ZNF676: variants seen among roughly 807,000 people sequenced by gnomAD.
ZNF676 encodes zinc finger protein 676.
A neutral mutation model predicts 6.0 loss-of-function variants in ZNF676; 4 were observed. The observed-to-expected ratio is 0.67, with a 90% confidence interval of 0.33 to 1.53. The LOEUF (loss-of-function observed/expected upper bound fraction) is 1.53. Among genes scored for constraint, ZNF676 ranks in the 40% most tolerant of loss-of-function variants. ZNF676 has a pLI of 0.06. For synonymous variants in ZNF676, 198 were observed against 223.1 expected, an observed-to-expected ratio of 0.89 and a Z score of 1.00; for missense variants, 644 against 679.7, an observed-to-expected ratio of 0.95 and a Z score of 0.58.
chr19:22,204,745 T>C (rs2024059920), intron 1 of ZNF676, among the ~76,000 whole-genome samples: 1 of 152,180 alleles, frequency 6.6e-6, no homozygotes, highest in African/African-American at 2.4e-5. Flanking sequence ...AACAAATCTG[T>C]GTCTACTTTA....
chr19:22,189,706 G>A lies in ZNF676; in HGVS notation c.130+3310C>T, dbSNP rs2023879435. On this transcript the variant is annotated intron_variant, in intron 2 of 2. Coordinates refer to ENST00000397121, the MANE Select transcript of ZNF676 (RefSeq NM_001001411.3). The stretch of plus-strand genomic sequence containing the variant: ...AACAAACAACCCCATCAAAAATTGG[G>A]CAAAGGATATGAACAGACACTTCTC... Among the ~76,000 whole-genome samples, 3 of 151,990 alleles carry A rather than the reference G, an allele frequency of 2.0e-5. No homozygotes were observed. In the South Asian group the frequency reaches 6.3e-4, roughly 32 times the overall value.
upstream of ZNF676, among the ~76,000 whole-genome samples, chr19:22,199,348 T>C (rs1251325049): frequency 6.6e-6 from 1 of 152,196 alleles, no homozygotes; most frequent in Non-Finnish European, 1.5e-5. Context: ...TCCTAAAGTA[T>C]TATATTATTT....
At chr19:22,232,759 GA>G in the ZNF676 span, among the ~76,000 whole-genome samples, 51 of 149,460 alleles carry the variant, frequency 3.4e-4, no homozygotes, top group African/African-American at 9.3e-4. Flanking sequence ...AACAATAATA[GA>G]AAAAAAAACC....
upstream of ZNF676, among the ~76,000 whole-genome samples, chr19:22,216,988 G>A (rs535540154): frequency 1.3e-5 from 2 of 151,346 alleles, no homozygotes; most frequent in Non-Finnish European, 2.9e-5. Context: ...GAGTTTGGAG[G>A]TTTTTATTTT....
At chr19:22,221,325 G>A in the ZNF676 span, among the ~76,000 whole-genome samples, 1 of 152,038 alleles carries the variant, frequency 6.6e-6, no homozygotes, top group Non-Finnish European at 1.5e-5. Flanking sequence ...TTTCATTGTG[G>A]AACCAATTAT....
At chr19:22,219,011 A>AC (rs1555776270), upstream of ZNF676, among the ~76,000 whole-genome samples, 4 of 123,142 alleles carry the variant, frequency 3.2e-5, no homozygotes, top group African/African-American at 1.2e-4. Flanking sequence ...AAATTTTAGG[A>AC]TTTTTTTTTT....
chr19:22,222,794 G>C, the ZNF676 span, among the ~76,000 whole-genome samples: 1 of 152,126 alleles, frequency 6.6e-6, no homozygotes, highest in Non-Finnish European at 1.5e-5. Context: ...AAAAGGCTTG[G>C]GTAGTTGTAA....
chr19:22,211,845 A>G (rs1568536244), intron 1 of ZNF676, among the ~76,000 whole-genome samples: 1 of 152,074 alleles, frequency 6.6e-6, no homozygotes, highest in Non-Finnish European at 1.5e-5. Context: ...AAATGTTCTT[A>G]TTTTTTTCCC....
At chr19:22,235,330 C>A in the ZNF676 span, among the ~76,000 whole-genome samples, 1 of 152,134 alleles carries the variant, frequency 6.6e-6, no homozygotes, top group Non-Finnish European at 1.5e-5. Context: ...TGTTGCAGAG[C>A]CTTCTTCTTT....
chr19:22,201,188 G>A (rs761781908), upstream of ZNF676, among the ~76,000 whole-genome samples: 1 of 152,128 alleles, frequency 6.6e-6, no homozygotes, highest in African/African-American at 2.4e-5. Context: ...TTACAAGTAG[G>A]TATAGTTGTG....
At chr19:22,259,331 G>A in the ZNF676 span, among the ~76,000 whole-genome samples, 5 of 152,134 alleles carry the variant, frequency 3.3e-5, no homozygotes, top group African/African-American at 1.2e-4. Context: ...GTCACAACCA[G>A]CCCAGTGGGA....
At chr19:22,260,204 C>T in the ZNF676 span, among the ~76,000 whole-genome samples, 1 of 152,126 alleles carries the variant, frequency 6.6e-6, no homozygotes, top group Non-Finnish European at 1.5e-5. Flanking sequence ...CCCTGCCCAG[C>T]GGTGGCCAGC....
upstream of ZNF676, among the ~76,000 whole-genome samples, chr19:22,200,067 G>C (rs1393806953): frequency 6.6e-6 from 1 of 152,156 alleles, no homozygotes; most frequent in Non-Finnish European, 1.5e-5. Flanking sequence ...CTGGGGCAGA[G>C]TGTAGAGCCA....
chr19:22,245,748 G>A, the ZNF676 span, among the ~76,000 whole-genome samples: 1 of 152,052 alleles, frequency 6.6e-6, no homozygotes, highest in African/African-American at 2.4e-5. Flanking sequence ...TACTCCTGTG[G>A]GCAGAGTCCA....
At chr19:22,203,997 A>G (rs1170766680) in intron 1 of ZNF676, 1 of 152,224 alleles carries the variant, frequency 6.6e-6, no homozygotes. Context: ...AACTTCCACC[A>G]GCACTTTTTT....
chr19:22,251,804 A>AT, the ZNF676 span, among the ~76,000 whole-genome samples: 1,908 of 151,170 alleles, frequency 0.013, 18 homozygotes, highest in African/African-American at 0.043. Context: ...AAAAAAAAAA[A>AT]TCCGGATCAC....
At chr19:22,206,180 T>C (rs2024074901) in intron 1 of ZNF676, among the ~76,000 whole-genome samples, 2 of 151,834 alleles carry the variant, frequency 1.3e-5, no homozygotes, top group Non-Finnish European at 2.9e-5. Context: ...GGACCAAACA[T>C]ACTCACAGCT....
chr19:22,247,347 T>C, the ZNF676 span, among the ~76,000 whole-genome samples: 3 of 151,972 alleles, frequency 2.0e-5, no homozygotes, highest in East Asian at 5.9e-4. Flanking sequence ...GTGGATTACC[T>C]GACGTCAGAA....
intron 2 of ZNF676, among the ~76,000 whole-genome samples, chr19:22,186,193 C>T (rs1449292995): frequency 1.3e-5 from 2 of 152,146 alleles, no homozygotes; most frequent in Admixed American, 6.5e-5. Context: ...TCTGCAGAAA[C>T]CCTACAAGCC....
Sources: allele counts gnomAD v4.1 joint callset (sites outside exome capture counted in the v4.1 genomes callset), GRCh38; gene constraint gnomAD v4.1.1; transcripts MANE v1.5; gene names NCBI Gene and HGNC (gene_info 2026-07-23, HGNC 2026-07-21).